The following PRKG1 variants were observed in gnomAD, a reference collection of about 807,000 sequenced individuals.
PRKG1 encodes the protein protein kinase cGMP-dependent 1.
Under a neutral mutation model 88.1 loss-of-function variants are expected in PRKG1, and 35 were observed. The ratio of observed to expected loss-of-function variants is 0.40; its 90% CI spans 0.30 to 0.53. PRKG1 has a LOEUF of 0.53. PRKG1 is among the 20% of genes least tolerant of loss of function. The pLI, the probability that PRKG1 is intolerant of heterozygous loss-of-function variation, is 0.59. For synonymous variants in PRKG1, 303 were observed against 292.5 expected, an observed-to-expected ratio of 1.04 and a Z score of -0.37; for missense variants, 540 against 839.8, an observed-to-expected ratio of 0.64 and a Z score of 4.41.
chr10:51,161,277 A>G (rs1425595892), intron 2 of PRKG1, among the ~76,000 whole-genome samples: 2 of 152,144 alleles, frequency 1.3e-5, no homozygotes, highest in African/African-American at 4.8e-5. Flanking sequence ...TATATGTACC[A>G]TTAGAAAGTA....
At chr10:51,153,904 C>T (rs1314757279) in intron 2 of PRKG1, among the ~76,000 whole-genome samples, 1 of 151,970 alleles carries the variant, frequency 6.6e-6, no homozygotes, top group Non-Finnish European at 1.5e-5. Flanking sequence ...CTGAGGCACG[C>T]ACTGTGTAAT....
chr10:51,264,963 C>T (rs183428691), intron 2 of PRKG1, among the ~76,000 whole-genome samples: 68 of 152,086 alleles, frequency 4.5e-4, no homozygotes, highest in African/African-American at 1.5e-3. Context: ...TGATACAGGA[C>T]GTCAATGCTG....
chr10:51,156,474 T>C (rs1032295199), intron 2 of PRKG1, among the ~76,000 whole-genome samples: 1 of 152,038 alleles, frequency 6.6e-6, no homozygotes, highest in Non-Finnish European at 1.5e-5. Context: ...AACAGCACGT[T>C]ATCTTAATTA....
At chr10:52,093,558 C>T (rs1441127805) in intron 7 of PRKG1, among the ~76,000 whole-genome samples, 1 of 152,046 alleles carries the variant, frequency 6.6e-6, no homozygotes, top group Non-Finnish European at 1.5e-5. Context: ...TTTCTTTTAA[C>T]CTTTAAAATT....
intron 9 of PRKG1, among the ~76,000 whole-genome samples, chr10:52,248,015 C>G (rs879927580): frequency 6.6e-6 from 1 of 152,192 alleles, no homozygotes; most frequent in Non-Finnish European, 1.5e-5. Flanking sequence ...TTATGGGAAA[C>G]GAAGGGATGG....
chr10:51,620,082 C>A (rs1485966488), intron 3 of PRKG1, among the ~76,000 whole-genome samples: 1 of 152,006 alleles, frequency 6.6e-6, no homozygotes, highest in Admixed American at 6.6e-5. Context: ...ATGCTGTTTT[C>A]CCCCTTACAC....
In PRKG1 at chr10:51,231,989, A is replaced by C. The variant is rs183417057; in HGVS notation, c.478+78659A>C. 4.6e-5 allele frequency among the ~76,000 whole-genome samples: 7 copies of C among 152,310 alleles called. No homozygotes were observed. The East Asian group carries it at 1.4e-3, about 29-fold the overall frequency. On this transcript the variant is annotated intron_variant, in intron 2 of 17. Coordinates refer to ENST00000373980, the MANE Select transcript of PRKG1 (RefSeq NM_006258.4). ...TACTGCCTCTATTTTTGAAAACAGT[A>C]AACAGTCATATTTTTATTGTCCTAC...
intron 3 of PRKG1, among the ~76,000 whole-genome samples, chr10:51,481,446 G>T (rs12770657): frequency 6.6e-6 from 1 of 151,914 alleles, no homozygotes; most frequent in African/African-American, 2.4e-5. Flanking sequence ...ACAAGGTTTC[G>T]CCATGTTGGC....
intron 9 of PRKG1, among the ~76,000 whole-genome samples, chr10:52,189,895 A>T (rs559937342): frequency 1.3e-5 from 2 of 152,362 alleles, no homozygotes; most frequent in African/African-American, 4.8e-5. Context: ...TTAGAGCCAC[A>T]TCTTTAATAA....
intron 3 of PRKG1, among the ~76,000 whole-genome samples, chr10:51,670,390 A>AT: frequency 1.3e-5 from 2 of 151,176 alleles, no homozygotes; most frequent in Non-Finnish European, 3.0e-5. Flanking sequence ...ATATTTCATT[A>AT]TTTTTCTTTA....
chr10:51,662,062 C>A (rs760347667), intron 3 of PRKG1, among the ~76,000 whole-genome samples: 14 of 152,036 alleles, frequency 9.2e-5, no homozygotes, highest in Non-Finnish European at 1.3e-4. Flanking sequence ...GAACATCACA[C>A]ACTGGGGCCT....
intron 9 of PRKG1, among the ~76,000 whole-genome samples, chr10:52,183,113 T>G (rs1839087285): frequency 6.6e-6 from 1 of 152,220 alleles, no homozygotes; most frequent in Non-Finnish European, 1.5e-5. Context: ...AAGCCATTTA[T>G]GAGACATCAA....
At chr10:52,094,526 C>T (rs1053896236) in intron 7 of PRKG1, among the ~76,000 whole-genome samples, 4 of 152,104 alleles carry the variant, frequency 2.6e-5, no homozygotes, top group African/African-American at 9.7e-5. Flanking sequence ...AAAGAATTCT[C>T]CCTCATGTTC....
At chr10:51,393,021 A>G (rs1223292800) in intron 2 of PRKG1, among the ~76,000 whole-genome samples, 6 of 149,948 alleles carry the variant, frequency 4.0e-5, no homozygotes, top group Non-Finnish European at 8.9e-5. Flanking sequence ...CACTTCCCAG[A>G]CGGGGTGGTT....
chr10:51,329,209 A>G (rs1841668811), intron 2 of PRKG1, among the ~76,000 whole-genome samples: 1 of 152,114 alleles, frequency 6.6e-6, no homozygotes, highest in Non-Finnish European at 1.5e-5. Flanking sequence ...CTTTACATTT[A>G]AGTATTTAAA....
intron 9 of PRKG1, among the ~76,000 whole-genome samples, chr10:52,229,020 A>G (rs1407361540): frequency 2.0e-5 from 3 of 152,332 alleles, no homozygotes; most frequent in Non-Finnish European, 2.9e-5. Context: ...ATAAACTCAC[A>G]TGACATGATG....
intron 5 of PRKG1, among the ~76,000 whole-genome samples, chr10:51,937,948 C>T (rs2133020898): frequency 6.6e-6 from 1 of 152,200 alleles, no homozygotes; most frequent in African/African-American, 2.4e-5. Context: ...ATCCCTTAGT[C>T]CAGCATATCC....
chr10:51,602,778 G>GTA (rs1487230227), intron 3 of PRKG1, among the ~76,000 whole-genome samples: 21 of 110,410 alleles, frequency 1.9e-4, no homozygotes, highest in African/African-American at 5.8e-4. Flanking sequence ...GTGTGTGTGT[G>GTA]TGTATATATT....
At chr10:52,189,710 C>T (rs1019481640) in intron 9 of PRKG1, among the ~76,000 whole-genome samples, 39 of 152,126 alleles carry the variant, frequency 2.6e-4, no homozygotes, top group African/African-American at 9.2e-4. Context: ...CTGCCCTAGA[C>T]CCCTCATGCT....
Sources: gnomAD v4.1 joint callset for allele counts (sites outside exome capture counted in the v4.1 genomes callset) on GRCh38, gnomAD v4.1.1 for gene constraint, MANE v1.5 for transcripts, NCBI Gene and HGNC (gene_info 2026-07-23, HGNC 2026-07-21) for gene names.